The following FGF2 variants were observed in gnomAD, a reference collection of about 807,000 sequenced individuals.
FGF2 encodes the protein fibroblast growth factor 2.
In FGF2, 13 loss-of-function variants were observed where a neutral mutation model predicts 15.9. The observed-to-expected ratio is 0.82, with a 90% CI of 0.53 to 1.30. The LOEUF (loss-of-function observed/expected upper bound fraction) is 1.30, where lower values mean the gene tolerates loss of function less well. Ranked by LOEUF, FGF2 falls within the 50% of genes most tolerant of loss-of-function variation. FGF2 has a pLI of 0.00. For synonymous variants in FGF2, 90 were observed against 78.4 expected, an observed-to-expected ratio of 1.15 and a Z score of -0.78; for missense variants, 163 against 196.9, an observed-to-expected ratio of 0.83 and a Z score of 1.03.
chr4:122,866,332 C>G (rs1419350718), intron 1 of FGF2, among the ~76,000 whole-genome samples: 1 of 150,078 alleles, frequency 6.7e-6, no homozygotes, highest in Non-Finnish European at 1.5e-5. Flanking sequence ...TGCGCCACTG[C>G]ACTCCCGCCT....
chr4:122,866,118 C>T (rs886675477), intron 1 of FGF2, among the ~76,000 whole-genome samples: 1 of 152,238 alleles, frequency 6.6e-6, no homozygotes, highest in East Asian at 1.9e-4. Context: ...GCCTGTAATC[C>T]CAGCACTTTG....
intron 1 of FGF2, among the ~76,000 whole-genome samples, chr4:122,847,264 A>G (rs1726131625): frequency 1.3e-5 from 2 of 152,202 alleles, no homozygotes; most frequent in South Asian, 4.1e-4. Flanking sequence ...TTCTTTGGGA[A>G]TGTCCTCTTA....
chr4:122,886,963 T>C lies in FGF2; in HGVS notation c.283-5248T>C, dbSNP rs149570631. Among the ~76,000 whole-genome samples, 171 of 152,298 alleles carry C rather than the reference T, an allele frequency of 1.1e-3. 1 individual carries two copies. The highest frequency in any genetic ancestry group is 2.0e-3 in the Non-Finnish European group (136 of 68,014). Reference sequence around the variant, plus strand: ...TGACAGAGCAAGAAATGGTGGTACATACTAGCCTGGGTATATACATGTATT... The same window carrying C: ...TGACAGAGCAAGAAATGGTGGTACACACTAGCCTGGGTATATACATGTATT... On this transcript the variant is annotated intron_variant, in intron 2 of 2. Transcript: ENST00000644866.
chr4:122,871,537 C>T (rs896097270), intron 1 of FGF2, among the ~76,000 whole-genome samples: 3 of 151,906 alleles, frequency 2.0e-5, no homozygotes, highest in African/African-American at 7.3e-5. Flanking sequence ...CCGTGCCACC[C>T]AATTGGGTGA....
chr4:122,853,257 T>G (rs1726272620), intron 1 of FGF2, among the ~76,000 whole-genome samples: 1 of 152,200 alleles, frequency 6.6e-6, no homozygotes. Context: ...ATGATCATGC[T>G]ACTGCACTCC....
At chr4:122,841,573 A>G (rs1403455913) in intron 1 of FGF2, among the ~76,000 whole-genome samples, 2 of 152,238 alleles carry the variant, frequency 1.3e-5, no homozygotes, top group African/African-American at 4.8e-5. Context: ...ATAAACTGGA[A>G]TTATGCTTTT....
At position 122,898,104 on chromosome 4, in the gene FGF2, A is replaced by G. The variant is rs1727421441; in HGVS notation, c.*5708A>G. 1 of 159,966 alleles carries G rather than the reference A, an allele frequency of 6.3e-6. No individual in the cohort carries two copies. Among genetic ancestry groups the G allele is most frequent in the Admixed American group, 6.3e-5 (1 of 15,968 alleles). 9.9% of individuals were successfully genotyped at this position (159,966 alleles called of 1,614,324 possible). ...TATGCTATTTTAAAATCTATTTCCT[A>G]TATTGTATTTCTAATCAGATGTATT... is the stretch of plus-strand genomic sequence containing the variant. On this transcript the variant is annotated 3_prime_UTR_variant, in exon 3 of 3. Coordinates refer to ENST00000644866, the MANE Select transcript of FGF2 (RefSeq NM_001361665.2).
intron 2 of FGF2, among the ~76,000 whole-genome samples, chr4:122,877,611 T>G (rs1371951254): frequency 6.6e-6 from 1 of 152,214 alleles, no homozygotes; most frequent in Non-Finnish European, 1.5e-5. Context: ...CTCATTCCTG[T>G]CTCCGTGAGG....
intron 1 of FGF2, among the ~76,000 whole-genome samples, chr4:122,837,469 CT>C (rs1224271184): frequency 6.6e-6 from 1 of 152,168 alleles, no homozygotes. Context: ...TGCAAATAAT[CT>C]TTCTACTGCC....
At chr4:122,843,071 A>C (rs1044208954) in intron 1 of FGF2, among the ~76,000 whole-genome samples, 14 of 152,224 alleles carry the variant, frequency 9.2e-5, no homozygotes, top group African/African-American at 3.4e-4. Context: ...TTTGTTTGGC[A>C]CGACAAGAAA....
chr4:122,891,551 T>C (rs546893482), intron 2 of FGF2, among the ~76,000 whole-genome samples: 32 of 152,220 alleles, frequency 2.1e-4, no homozygotes, highest in African/African-American at 7.2e-4. Context: ...TGTTTGGAGA[T>C]TGTTAATCAT....
chr4:122,893,298 T>G lies in FGF2; in HGVS notation c.*902T>G. ...AAACTGTATCATCAAAGATTTTCAG[T>G]TAAAGTAGCATTATGTAAAGGCTCA... On this transcript the variant is annotated 3_prime_UTR_variant, in exon 3 of 3. Transcript: ENST00000644866. 1.4e-6 allele frequency: 2 copies of G among 1,418,458 alleles called. No homozygotes were observed. The highest frequency in any genetic ancestry group is 1.9e-6 in the Non-Finnish European group (2 of 1,055,562). 87.9% of individuals were successfully genotyped at this position (1,418,458 alleles called of 1,614,324 possible). A position where few individuals can be genotyped will look rare whatever the true frequency, so the allele number is the denominator to read the frequency against.
chr4:122,841,458 C>T (rs1725982404), intron 1 of FGF2, among the ~76,000 whole-genome samples: 1 of 152,186 alleles, frequency 6.6e-6, no homozygotes, highest in Non-Finnish European at 1.5e-5. Flanking sequence ...ATAATATTGT[C>T]TATGGCTTTT....
At chr4:122,883,804 T>TATTA (rs1727005874) in intron 2 of FGF2, among the ~76,000 whole-genome samples, 1 of 152,196 alleles carries the variant, frequency 6.6e-6, no homozygotes, top group Non-Finnish European at 1.5e-5. Flanking sequence ...CTGAACAAAA[T>TATTA]ATTAATATCT....
intron 1 of FGF2, among the ~76,000 whole-genome samples, chr4:122,843,383 A>T (rs1221347722): frequency 6.6e-6 from 1 of 152,246 alleles, no homozygotes; most frequent in African/African-American, 2.4e-5. Context: ...CTGGATTATG[A>T]TGGGCCTTGC....
intron 1 of FGF2, among the ~76,000 whole-genome samples, chr4:122,849,758 T>C (rs1004686649): frequency 2.0e-5 from 3 of 151,888 alleles, no homozygotes; most frequent in Non-Finnish European, 2.9e-5. Context: ...TCTGAGAGAG[T>C]TGTGACTGCT....
rs1318286541 is a variant in FGF2 at position 122,896,318 on chromosome 4, T to A, written c.*3922T>A. On this transcript the variant is annotated 3_prime_UTR_variant, in exon 3 of 3. Coordinates refer to ENST00000644866, the MANE Select transcript of FGF2 (RefSeq NM_001361665.2). ...GTTTTTCTTCAATTACATCTACAAGTAAGTACAGCTGAAATTCAGAGGACC... is the reference window on the plus strand; with the variant it reads ...GTTTTTCTTCAATTACATCTACAAGAAAGTACAGCTGAAATTCAGAGGACC... The A allele has an allele frequency of 6.6e-6, 1 of 152,474 alleles. No homozygotes were observed. The highest frequency in any genetic ancestry group is 1.9e-4 in the East Asian group (1 of 5,186). 9.4% of individuals were successfully genotyped at this position (152,474 alleles called of 1,614,324 possible).
intron 1 of FGF2, among the ~76,000 whole-genome samples, chr4:122,829,425 AT>A (rs1487037740): frequency 2.0e-5 from 3 of 152,110 alleles, no homozygotes; most frequent in Non-Finnish European, 4.4e-5. Context: ...CAACAAAAAC[AT>A]TTTTGACCCC....
intron 1 of FGF2, among the ~76,000 whole-genome samples, chr4:122,849,457 G>A (rs1448239676): frequency 1.3e-5 from 2 of 152,196 alleles, no homozygotes; most frequent in African/African-American, 2.4e-5. Flanking sequence ...GTCAGGGGGT[G>A]GGGGGCTAGG....
Sources: allele counts gnomAD v4.1 joint callset (sites outside exome capture counted in the v4.1 genomes callset), GRCh38; gene constraint gnomAD v4.1.1; transcripts MANE v1.5; gene names NCBI Gene and HGNC (gene_info 2026-07-23, HGNC 2026-07-21).